RAD51B: variants seen among roughly 807,000 people sequenced by gnomAD.
RAD51B encodes RAD51 paralog B.
Under a neutral mutation model 42.2 loss-of-function variants are expected in RAD51B, and 38 were observed. The ratio of observed to expected loss-of-function variants is 0.90; its 90% CI spans 0.70 to 1.18. The LOEUF (loss-of-function observed/expected upper bound fraction) is 1.18. Among genes scored for constraint, RAD51B ranks in the 50% most tolerant of loss-of-function variants. The probability of loss-of-function intolerance (pLI) is 0.00; values close to 1 mark genes in which losing one functional copy is unlikely to be tolerated. For synonymous variants in RAD51B, 154 were observed against 145.2 expected, an observed-to-expected ratio of 1.06 and a Z score of -0.43; for missense variants, 373 against 400.7, an observed-to-expected ratio of 0.93 and a Z score of 0.59.
At chr14:68,364,676 G>T (rs2083104670) in intron 8 of RAD51B, among the ~76,000 whole-genome samples, 1 of 152,248 alleles carries the variant, frequency 6.6e-6, no homozygotes, top group East Asian at 1.9e-4. Context: ...GCCTTGTTTT[G>T]CCTTAAATAA....
intron 10 of RAD51B, among the ~76,000 whole-genome samples, chr14:68,484,856 C>T (rs1015506438): frequency 2.0e-4 from 31 of 152,168 alleles, no homozygotes; most frequent in African/African-American, 7.2e-4. Flanking sequence ...AGATTTTGTC[C>T]TGCATACTAT....
chr14:68,623,379 C>T (rs1221329359), intron 10 of RAD51B, among the ~76,000 whole-genome samples: 2 of 152,216 alleles, frequency 1.3e-5, no homozygotes, highest in Non-Finnish European at 2.9e-5. Context: ...TCTTTCCCTT[C>T]CCTCTCCAAC....
At chr14:68,065,429 G>A (rs536727268) in intron 7 of RAD51B, among the ~76,000 whole-genome samples, 1 of 152,280 alleles carries the variant, frequency 6.6e-6, no homozygotes, top group East Asian at 1.9e-4. Context: ...CTGTGCTCAG[G>A]GAAAACATGG....
At chr14:68,031,997 A>G (rs2076052256) in intron 7 of RAD51B, among the ~76,000 whole-genome samples, 1 of 151,570 alleles carries the variant, frequency 6.6e-6, no homozygotes, top group South Asian at 2.1e-4. Flanking sequence ...TTCTGTATGT[A>G]GCCTAGTGAT....
intron 8 of RAD51B, among the ~76,000 whole-genome samples, chr14:68,373,200 A>G (rs10454686): frequency 0.87 from 131,811 of 152,270 alleles, 57,413 homozygotes; most frequent in East Asian, 0.99. Flanking sequence ...TTGCTAATTT[A>G]CTATTTCCCA....
At chr14:68,413,740 T>C (rs1321433259) in intron 9 of RAD51B, among the ~76,000 whole-genome samples, 1 of 152,144 alleles carries the variant, frequency 6.6e-6, no homozygotes, top group East Asian at 1.9e-4. Context: ...ATAGAAGCCA[T>C]ACGAAGCGAA....
chr14:67,918,122 G>A (rs1444267766), intron 7 of RAD51B, among the ~76,000 whole-genome samples: 2 of 151,892 alleles, frequency 1.3e-5, no homozygotes, highest in Non-Finnish European at 2.9e-5. Context: ...AGAGATGTAA[G>A]AATATTACAG....
chr14:68,589,851 C>A (rs1405188166), intron 10 of RAD51B, among the ~76,000 whole-genome samples: 1 of 151,970 alleles, frequency 6.6e-6, no homozygotes, highest in African/African-American at 2.4e-5. Flanking sequence ...GGGCTTTTTC[C>A]CCCCCATTTT....
At chr14:68,320,643 C>G (rs2082140868) in intron 8 of RAD51B, among the ~76,000 whole-genome samples, 1 of 152,222 alleles carries the variant, frequency 6.6e-6, no homozygotes, top group African/African-American at 2.4e-5. Context: ...CACCCACTTT[C>G]TTTTAGAACC....
intron 8 of RAD51B, among the ~76,000 whole-genome samples, chr14:68,363,429 T>A (rs1319239613): frequency 6.6e-6 from 1 of 152,214 alleles, no homozygotes. Context: ...TCTGTTAATA[T>A]ATCATGTTTT....
At chr14:68,227,204 G>A (rs922217352) in intron 7 of RAD51B, among the ~76,000 whole-genome samples, 6 of 152,186 alleles carry the variant, frequency 3.9e-5, no homozygotes, top group Non-Finnish European at 5.9e-5. Flanking sequence ...TGCCTAAGAA[G>A]GCAGTAGGGC....
rs946648270 is a variant in RAD51B at position 68,264,295 on chromosome 14, A to G, written c.757-27589A>G. On this transcript the variant is annotated intron_variant, in intron 7 of 10. Coordinates refer to ENST00000471583, the MANE Select transcript of RAD51B (RefSeq NM_133510.4). ...TGGGACTACTCTAAAGGAAATAGGA[A>G]TGCCTAAAAAGTTTCTAGACTTCTA... is the stretch of plus-strand genomic sequence containing the variant. Among the ~76,000 whole-genome samples, 3 of 152,382 alleles carry G rather than the reference A, an allele frequency of 2.0e-5. No individual in the cohort carries two copies. The East Asian group carries it at 5.8e-4, about 29-fold the overall frequency.
intron 7 of RAD51B, among the ~76,000 whole-genome samples, chr14:67,894,560 C>T (rs115942550): frequency 0.01 from 1,560 of 152,272 alleles, 30 homozygotes; most frequent in African/African-American, 0.036. Flanking sequence ...AGAGGCAAAT[C>T]GCTCTCTGTG....
chr14:68,350,806 T>C (rs2082770926), intron 8 of RAD51B, among the ~76,000 whole-genome samples: 1 of 152,224 alleles, frequency 6.6e-6, no homozygotes, highest in Non-Finnish European at 1.5e-5. Flanking sequence ...TTAATATCAT[T>C]CACCATTTTA....
chr14:68,115,542 TA>T (rs368351598), intron 7 of RAD51B, among the ~76,000 whole-genome samples: 16,166 of 67,876 alleles, frequency 0.24, 2,610 homozygotes, highest in African/African-American at 0.5. Context: ...ACTTAAAGTA[TA>T]AAAAAAAAAA....
At chr14:68,373,527 C>G (rs186954932) in intron 8 of RAD51B, among the ~76,000 whole-genome samples, 107 of 152,218 alleles carry the variant, frequency 7.0e-4, no homozygotes, top group Non-Finnish European at 1.4e-3. Context: ...GAACAGAAAA[C>G]CAAACACTGC....
intron 7 of RAD51B, among the ~76,000 whole-genome samples, chr14:67,911,863 G>A (rs1055930278): frequency 6.6e-6 from 1 of 152,130 alleles, no homozygotes; most frequent in Non-Finnish European, 1.5e-5. Context: ...TACTGGACCT[G>A]TGTTCCAGAA....
At chr14:68,210,132 G>A (rs552041388) in intron 7 of RAD51B, among the ~76,000 whole-genome samples, 33 of 152,056 alleles carry the variant, frequency 2.2e-4, no homozygotes, top group African/African-American at 8.0e-4. Context: ...GCTAATTTTT[G>A]TATTTTTAGT....
At chr14:67,928,240 C>T (rs969711490) in intron 7 of RAD51B, among the ~76,000 whole-genome samples, 2 of 151,988 alleles carry the variant, frequency 1.3e-5, no homozygotes, top group Non-Finnish European at 2.9e-5. Context: ...TGATATGGCT[C>T]CAATGAATGG....
Sources: gnomAD v4.1 joint callset for allele counts (sites outside exome capture counted in the v4.1 genomes callset) on GRCh38, gnomAD v4.1.1 for gene constraint, MANE v1.5 for transcripts, NCBI Gene and HGNC (gene_info 2026-07-23, HGNC 2026-07-21) for gene names.